CNTNAP2: variants seen among roughly 807,000 people sequenced by gnomAD.
CNTNAP2 encodes the protein contactin-associated protein-like 2.
CNTNAP2 carries 98 observed loss-of-function variants against 155.2 expected under a neutral mutation model. The ratio of observed to expected loss-of-function variants is 0.63; its 90% CI spans 0.54 to 0.75. The LOEUF is 0.75. CNTNAP2 is among the 30% of genes least tolerant of loss of function. CNTNAP2 has a pLI of 0.00. For synonymous variants in CNTNAP2, 651 were observed against 631.2 expected (o/e 1.03, Z -0.47); for missense variants, 1,727 against 1,688.1 (o/e 1.02, Z -0.40).
At chr7:147,768,662 C>G (rs562919071) in intron 13 of CNTNAP2, among the ~76,000 whole-genome samples, 2 of 152,168 alleles carry the variant, frequency 1.3e-5, no homozygotes, top group African/African-American at 4.8e-5. Flanking sequence ...GACTGATGTG[C>G]TTATTAATGG....
chr7:147,459,384 G>A (rs888245081), intron 10 of CNTNAP2, among the ~76,000 whole-genome samples: 1 of 152,082 alleles, frequency 6.6e-6, no homozygotes, highest in East Asian at 1.9e-4. Flanking sequence ...ACCTATGACA[G>A]AATGGTGGTT....
chr7:148,144,184 G>A lies in CNTNAP2; in HGVS notation c.2555-3307G>A, dbSNP rs540311242. 1.1e-3 allele frequency among the ~76,000 whole-genome samples: 175 copies of A among 152,344 alleles called. 1 individual carries two copies. The highest frequency in any genetic ancestry group is 3.9e-3 in the African/African-American group (162 of 41,580). ...CTTTGTTTATACCTTTTTTAAGGATGTGTGTATAGCTAACAGCCTTGGAAG... is the reference window on the plus strand; with the variant it reads ...CTTTGTTTATACCTTTTTTAAGGATATGTGTATAGCTAACAGCCTTGGAAG... On this transcript the variant is annotated intron_variant, in intron 16 of 23. Transcript: ENST00000361727.
intron 1 of CNTNAP2, among the ~76,000 whole-genome samples, chr7:146,440,099 G>A (rs1796299663): frequency 6.6e-6 from 1 of 151,604 alleles, no homozygotes; most frequent in Admixed American, 6.6e-5. Context: ...ACTGCCCTGT[G>A]GGCAACAGAG....
At chr7:147,434,267 T>G (rs1386387698) in intron 10 of CNTNAP2, among the ~76,000 whole-genome samples, 1 of 152,248 alleles carries the variant, frequency 6.6e-6, no homozygotes, top group Non-Finnish European at 1.5e-5. Context: ...TGTTGATTTC[T>G]ATTCTTCAGT....
chr7:147,561,191 A>G (rs1317676758), intron 11 of CNTNAP2, among the ~76,000 whole-genome samples: 2 of 152,162 alleles, frequency 1.3e-5, no homozygotes, highest in East Asian at 1.9e-4. Context: ...ATTTTGTACT[A>G]TTTTATAGTT....
At chr7:146,136,907 G>T (rs1797806151) in intron 1 of CNTNAP2, among the ~76,000 whole-genome samples, 1 of 152,144 alleles carries the variant, frequency 6.6e-6, no homozygotes. Context: ...TCCAGCAAAA[G>T]AAACAGACAG....
At position 146,409,992 on chromosome 7, in the gene CNTNAP2, A is replaced by T. The variant is rs181518108; in HGVS notation, c.97+293019A>T. The stretch of plus-strand genomic sequence containing the variant: ...GTGCTCTGTAATGATTACTTAGAAC[A>T]CCCCTTAAGTGAGAAAGTTGGGGCT... On this transcript the variant is annotated intron_variant, in intron 1 of 23. Coordinates refer to ENST00000361727, the MANE Select transcript of CNTNAP2 (RefSeq NM_014141.6). 2.4e-3 allele frequency among the ~76,000 whole-genome samples: 371 copies of T among 152,198 alleles called. 2 individuals carry two copies. The highest frequency in any genetic ancestry group is 0.01 in the Middle Eastern group (3 of 294).
intron 21 of CNTNAP2, among the ~76,000 whole-genome samples, chr7:148,357,241 C>A (rs908757577): frequency 8.5e-5 from 13 of 152,078 alleles, no homozygotes; most frequent in African/African-American, 3.1e-4. Flanking sequence ...GGGGAGTTCC[C>A]CTGCATGAGC....
intron 8 of CNTNAP2, among the ~76,000 whole-genome samples, chr7:147,171,620 G>A (rs1159871654): frequency 1.3e-5 from 2 of 152,214 alleles, no homozygotes. Flanking sequence ...CTTAAATCAT[G>A]TAGTTGGTTC....
chr7:147,378,111 C>T (rs1235451565), intron 9 of CNTNAP2: 8 of 445,420 alleles, frequency 1.8e-5, no homozygotes, highest in Middle Eastern at 4.7e-4. Context: ...CAACCTAATA[C>T]GTTAGAACTC....
intron 2 of CNTNAP2, among the ~76,000 whole-genome samples, chr7:146,834,084 T>C (rs1021447122): frequency 1.3e-5 from 2 of 152,152 alleles, no homozygotes; most frequent in Non-Finnish European, 2.9e-5. Flanking sequence ...TAATTGAATT[T>C]TTTTTTCACC....
In CNTNAP2 at chr7:147,563,773, T is replaced by C. The variant is rs533256727; in HGVS notation, c.1897+1516T>C. On this transcript the variant is annotated intron_variant, in intron 12 of 23. Coordinates refer to ENST00000361727, the MANE Select transcript of CNTNAP2 (RefSeq NM_014141.6). ...ATTTTGTCTTTGGTTTTGTTTTCTA[T>C]ACAAACTTCTTGGCTCCACCCCTGC... Among the ~76,000 whole-genome samples, 22 of 152,342 alleles carry C rather than the reference T, an allele frequency of 1.4e-4. No individual in the cohort carries two copies. The South Asian group carries it at 4.1e-3, about 29-fold the overall frequency.
intron 13 of CNTNAP2, among the ~76,000 whole-genome samples, chr7:147,760,416 A>C (rs1187086704): frequency 6.6e-6 from 1 of 152,216 alleles, no homozygotes; most frequent in Non-Finnish European, 1.5e-5. Context: ...AGTCTTCAAC[A>C]TTCTCACATA....
chr7:148,367,168 T>C (rs1798799027), intron 21 of CNTNAP2, among the ~76,000 whole-genome samples: 1 of 152,030 alleles, frequency 6.6e-6, no homozygotes, highest in East Asian at 1.9e-4. Flanking sequence ...GAAGCAGAGA[T>C]TGCAGTGAGC....
intron 1 of CNTNAP2, among the ~76,000 whole-genome samples, chr7:146,344,364 T>C (rs560766356): frequency 6.6e-6 from 1 of 152,312 alleles, no homozygotes; most frequent in Non-Finnish European, 1.5e-5. Context: ...GTAAAAAACA[T>C]AGTTGAAATA....
At chr7:146,302,802 C>T (rs916801181) in intron 1 of CNTNAP2, among the ~76,000 whole-genome samples, 5 of 152,102 alleles carry the variant, frequency 3.3e-5, no homozygotes, top group African/African-American at 7.2e-5. Flanking sequence ...TTACTTTGCT[C>T]TTACAGACAT....
intron 16 of CNTNAP2, among the ~76,000 whole-genome samples, chr7:148,126,196 C>T (rs1186685526): frequency 1.3e-5 from 2 of 152,162 alleles, no homozygotes; most frequent in Non-Finnish European, 2.9e-5. Context: ...GAAAAAAGCA[C>T]AGCATCATAG....
intron 13 of CNTNAP2, among the ~76,000 whole-genome samples, chr7:147,768,045 G>C (rs529108403): frequency 9.2e-5 from 14 of 152,182 alleles, no homozygotes; most frequent in African/African-American, 2.9e-4. Flanking sequence ...AGGAAACAAT[G>C]CTTTCACTCT....
At chr7:148,198,710 A>T in intron 18 of CNTNAP2, among the ~76,000 whole-genome samples, 1 of 152,244 alleles carries the variant, frequency 6.6e-6, no homozygotes, top group East Asian at 1.9e-4. Flanking sequence ...GCAGTTGGTT[A>T]AAGCTTCATA....
Sources: gnomAD v4.1 joint callset for allele counts (sites outside exome capture counted in the v4.1 genomes callset) on GRCh38, gnomAD v4.1.1 for gene constraint, MANE v1.5 for transcripts, NCBI Gene and HGNC (gene_info 2026-07-23, HGNC 2026-07-21) for gene names.